Variants in AGBL1 observed in about 807,000 individuals in gnomAD.
AGBL1 encodes the protein AGBL carboxypeptidase 1.
In AGBL1, 130 loss-of-function variants were observed where a neutral mutation model predicts 118.9. That is an observed-to-expected ratio of 1.09 (90% CI 0.95 to 1.26). The LOEUF is 1.26. AGBL1 is among the 50% of genes most tolerant of loss of function. The pLI is 0.00. For synonymous variants in AGBL1, 555 were observed against 478.9 expected (o/e 1.16, Z -2.08); for missense variants, 1,584 against 1,298.1 (o/e 1.22, Z -3.38).
chr15:86,718,367 A>C (rs1180575191), intron 22 of AGBL1, among the ~76,000 whole-genome samples: 2 of 152,190 alleles, frequency 1.3e-5, no homozygotes, highest in African/African-American at 2.4e-5. Context: ...GGTGGGGAAC[A>C]TCACACACTG....
intron 19 of AGBL1, among the ~76,000 whole-genome samples, chr15:86,523,329 A>G (rs2083215224): frequency 6.6e-6 from 1 of 152,168 alleles, no homozygotes; most frequent in Non-Finnish European, 1.5e-5. Flanking sequence ...TCACAAGGCC[A>G]TCTTCCCTCT....
rs145155463 is a variant in AGBL1 at position 86,142,562 on chromosome 15, A to G, written c.115+495A>G. 2.3e-3 allele frequency among the ~76,000 whole-genome samples: 356 copies of G among 152,304 alleles called. 1 individual carries two copies. Among genetic ancestry groups the G allele is most frequent in the African/African-American group, 8.3e-3 (345 of 41,554 alleles). The stretch of plus-strand genomic sequence containing the variant: ...TACTGAGATTTTTGAACATTCCAAC[A>G]TTCACTCAATTTGCATTTTTATGTA... On this transcript the variant is annotated intron_variant, in intron 2 of 22. Transcript: ENST00000614907.
At chr15:86,480,390 T>G (rs1236629573) in intron 18 of AGBL1, among the ~76,000 whole-genome samples, 2 of 152,132 alleles carry the variant, frequency 1.3e-5, no homozygotes, top group African/African-American at 4.8e-5. Context: ...AGTTCATTTT[T>G]TTCTCTTAAA....
At chr15:86,548,272 A>G (rs1243849069) in intron 20 of AGBL1, among the ~76,000 whole-genome samples, 2 of 152,140 alleles carry the variant, frequency 1.3e-5, no homozygotes, top group Non-Finnish European at 2.9e-5. Context: ...CTAAGACTTT[A>G]TTTGGTCATT....
chr15:86,530,410 T>C (rs2083333234), intron 19 of AGBL1, among the ~76,000 whole-genome samples: 1 of 139,664 alleles, frequency 7.2e-6, no homozygotes, highest in South Asian at 2.4e-4. Flanking sequence ...AGGAGCTAAC[T>C]ATCCTAAATA....
intron 5 of AGBL1, among the ~76,000 whole-genome samples, chr15:86,194,788 A>G (rs1567117587): frequency 2.6e-5 from 4 of 152,188 alleles, no homozygotes; most frequent in Admixed American, 6.5e-5. Context: ...AATTTACACT[A>G]TGGTGATTTA....
chr15:86,193,941 C>T (rs927057005), intron 5 of AGBL1, among the ~76,000 whole-genome samples: 3 of 152,174 alleles, frequency 2.0e-5, no homozygotes, highest in Non-Finnish European at 4.4e-5. Flanking sequence ...CAGAGTATAA[C>T]CGGGGTCAGT....
intron 22 of AGBL1, among the ~76,000 whole-genome samples, chr15:86,739,578 A>G (rs974019587): frequency 1.3e-5 from 2 of 151,752 alleles, no homozygotes; most frequent in Non-Finnish European, 2.9e-5. Context: ...ATGATTTGCA[A>G]TCTTCAAAAG....
intron 24 of AGBL1, among the ~76,000 whole-genome samples, chr15:86,996,360 T>C (rs890464314): frequency 2.0e-5 from 3 of 152,176 alleles, no homozygotes; most frequent in African/African-American, 4.8e-5. Context: ...TATCCTGACC[T>C]CTAGCACCAT....
intron 21 of AGBL1, among the ~76,000 whole-genome samples, chr15:86,669,275 G>C (rs2085700036): frequency 6.6e-6 from 1 of 152,018 alleles, no homozygotes; most frequent in Non-Finnish European, 1.5e-5. Flanking sequence ...TTTCAGAAAT[G>C]GTTTTGAGAT....
intron 21 of AGBL1, among the ~76,000 whole-genome samples, chr15:86,598,684 G>T (rs1182736596): frequency 6.6e-6 from 1 of 152,086 alleles, no homozygotes; most frequent in Non-Finnish European, 1.5e-5. Flanking sequence ...TGGGAACACT[G>T]CTGTGACTGT....
intron 5 of AGBL1, among the ~76,000 whole-genome samples, chr15:86,167,706 A>T (rs2077361299): frequency 6.6e-6 from 1 of 152,194 alleles, no homozygotes; most frequent in Admixed American, 6.5e-5. Context: ...TTTAGCAGAG[A>T]CAAGCCAACT....
intron 1 of AGBL1, among the ~76,000 whole-genome samples, chr15:86,133,942 C>T (rs950486039): frequency 1.3e-5 from 2 of 152,220 alleles, no homozygotes; most frequent in African/African-American, 4.8e-5. Flanking sequence ...TATATGTCTT[C>T]AGTATTTCCA....
chr15:86,271,586 C>T (rs1567170218), intron 14 of AGBL1, 33 bp from the exon 15 acceptor site: 3 of 1,540,338 alleles, frequency 1.9e-6, no homozygotes, highest in Admixed American at 3.3e-5. Context: ...CTCTCTTTCC[C>T]TCATGGATTA....
intron 22 of AGBL1, among the ~76,000 whole-genome samples, chr15:86,802,337 T>A (rs1341875028): frequency 6.6e-6 from 1 of 152,044 alleles, no homozygotes; most frequent in Non-Finnish European, 1.5e-5. Flanking sequence ...AGGGAATATG[T>A]CTACCTGATT....
intron 22 of AGBL1, among the ~76,000 whole-genome samples, chr15:86,887,118 T>A (rs1567224416): frequency 1.3e-5 from 2 of 152,206 alleles, no homozygotes; most frequent in Non-Finnish European, 2.9e-5. Context: ...GGATTCTGAT[T>A]CATAAACATA....
chr15:86,906,055 G>A (rs556050963), intron 22 of AGBL1, among the ~76,000 whole-genome samples: 8 of 152,140 alleles, frequency 5.3e-5, no homozygotes, highest in Middle Eastern at 3.2e-3. Context: ...TTCATTTCCC[G>A]ATCTAACATG....
intron 18 of AGBL1, among the ~76,000 whole-genome samples, chr15:86,490,118 T>A (rs1169505180): frequency 6.6e-6 from 1 of 152,068 alleles, no homozygotes; most frequent in African/African-American, 2.4e-5. Context: ...AGCTATGACG[T>A]CCCGCTGAGC....
At chr15:86,513,277 T>C (rs1451337142) in intron 18 of AGBL1, among the ~76,000 whole-genome samples, 1 of 151,884 alleles carries the variant, frequency 6.6e-6, no homozygotes, top group Non-Finnish European at 1.5e-5. Flanking sequence ...TTTTGAAGAG[T>C]ACTGGTGAGT....
Sources: allele counts gnomAD v4.1 joint callset (sites outside exome capture counted in the v4.1 genomes callset), GRCh38; gene constraint gnomAD v4.1.1; transcripts MANE v1.5; gene names NCBI Gene and HGNC (gene_info 2026-07-23, HGNC 2026-07-21).